The following ST18 variants were observed in gnomAD, a reference collection of about 807,000 sequenced individuals.
ST18 encodes the protein ST18 C2H2C-type zinc finger transcription factor.
ST18 carries 50 observed loss-of-function variants against 110.0 expected under a neutral mutation model. The observed-to-expected ratio is 0.45, with a 90% CI of 0.36 to 0.58. The LOEUF (loss-of-function observed/expected upper bound fraction) is 0.58. Among genes scored for constraint, ST18 ranks in the 20% least tolerant of loss-of-function variants. The pLI, the probability that ST18 is intolerant of heterozygous loss-of-function variation, is 0.00. For synonymous variants in ST18, 461 were observed against 452.4 expected (o/e 1.02, Z -0.24); for missense variants, 1,306 against 1,280.1 (o/e 1.02, Z -0.31).
At chr8:52,337,269 A>G (rs969949736) in intron 2 of ST18, among the ~76,000 whole-genome samples, 11 of 152,210 alleles carry the variant, frequency 7.2e-5, no homozygotes, top group Admixed American at 3.3e-4. Context: ...CAATAACAAG[A>G]GCTGCCACTG....
intron 2 of ST18, among the ~76,000 whole-genome samples, chr8:52,344,391 C>T (rs375866555): frequency 4.0e-5 from 5 of 125,334 alleles, no homozygotes; most frequent in Admixed American, 2.8e-4. Flanking sequence ...ATTAAAGCCC[C>T]CTACAATAAT....
In ST18 at chr8:52,149,908, T is replaced by C. The variant is rs1364844655; in HGVS notation, c.1876A>G (p.Lys626Glu). 4 of 1,614,012 alleles carry C rather than the reference T, an allele frequency of 2.5e-6. No individual in the cohort carries two copies. The highest frequency in any genetic ancestry group is 4.5e-5 in the East Asian group (2 of 44,896). Reference sequence around the variant, plus strand: ...TTAGAGGAAGTTAGGGGTGCAGACTTGTCCAGGATTCGATTTTTTTTCATG... The same window carrying C: ...TTAGAGGAAGTTAGGGGTGCAGACTCGTCCAGGATTCGATTTTTTTTCATG... ...LSMKKNRILD[K>E]SAPLTSSNTS... Residue 626 changes from lysine (K) to glutamate (E), a missense_variant, in exon 16 of 26, where the codon AAG (lysine) becomes GAG (glutamate). Lys to Glu is a moderately conservative substitution (Grantham distance 56). Transcript: ENST00000689386.
At chr8:52,286,185 C>A (rs936696172) in intron 2 of ST18, among the ~76,000 whole-genome samples, 12 of 152,140 alleles carry the variant, frequency 7.9e-5, no homozygotes, top group Non-Finnish European at 8.8e-5. Context: ...GTGAATATTC[C>A]TTCACATGAA....
At chr8:52,250,967 G>A (rs1327063249) in intron 2 of ST18, among the ~76,000 whole-genome samples, 2 of 152,084 alleles carry the variant, frequency 1.3e-5, no homozygotes, top group African/African-American at 4.8e-5. Flanking sequence ...TTATTTTTAT[G>A]TAAAGATACT....
In ST18 at chr8:52,298,388, G is replaced by C. The variant is rs150572481; in HGVS notation, c.-464-68311C>G. On this transcript the variant is annotated intron_variant, in intron 2 of 25. Coordinates refer to ENST00000689386, the MANE Select transcript of ST18 (RefSeq NM_001352837.2). ...TTTCTGAAGAATATTTGATGACATG[G>C]AAAAAGCCTCATTTTATGGTCATGA... 6.0e-3 allele frequency among the ~76,000 whole-genome samples: 921 copies of C among 152,248 alleles called. 5 individuals are homozygous for C. Among genetic ancestry groups the C allele is most frequent in the African/African-American group, 0.021 (872 of 41,554 alleles).
rs749850577 is a variant in ST18 at position 52,214,189 on chromosome 8, G to C, written c.55+14C>G. 2 of 1,613,920 alleles carry C rather than the reference G, an allele frequency of 1.2e-6. No individual in the cohort carries two copies. Among genetic ancestry groups the C allele is most frequent in the Non-Finnish European group, 1.7e-6 (2 of 1,179,852 alleles). On this transcript the variant is annotated intron_variant, in intron 7 of 25. Coordinates refer to ENST00000689386, the MANE Select transcript of ST18 (RefSeq NM_001352837.2). ...TGGTGGGCATAGTGTCATAGAACCT[G>C]CTTGCTAACTCACCCTCGGTTCCTT... is the stretch of plus-strand genomic sequence containing the variant.
chr8:52,343,571 T>C (rs566570240), intron 2 of ST18, among the ~76,000 whole-genome samples: 37 of 152,266 alleles, frequency 2.4e-4, no homozygotes, highest in Middle Eastern at 6.8e-3. Context: ...TCACACGCAG[T>C]GGAGCCATCG....
intron 9 of ST18, 25 bp downstream of exon 9, chr8:52,180,097 A>C: frequency 6.2e-7 from 1 of 1,610,412 alleles, no homozygotes. Flanking sequence ...GGAGCAGGTA[A>C]AGTTTGGGCT....
intron 2 of ST18, among the ~76,000 whole-genome samples, chr8:52,381,107 G>C (rs534589674): frequency 3.3e-5 from 5 of 152,122 alleles, no homozygotes; most frequent in African/African-American, 1.2e-4. Context: ...TTTTCTTCTT[G>C]CTGAAGCCTA....
intron 2 of ST18, among the ~76,000 whole-genome samples, chr8:52,250,536 C>T (rs1405789981): frequency 6.8e-6 from 1 of 147,474 alleles, no homozygotes; most frequent in African/African-American, 2.5e-5. Flanking sequence ...ATGCATAAAC[C>T]CTGATTCTTA....
chr8:52,179,762 T>C (rs1196331817), intron 9 of ST18, among the ~76,000 whole-genome samples: 1 of 152,174 alleles, frequency 6.6e-6, no homozygotes, highest in Non-Finnish European at 1.5e-5. Flanking sequence ...AGTTTAAATA[T>C]GCCCTTGAAT....
At chr8:52,395,726 C>G (rs1349760747) in intron 2 of ST18, among the ~76,000 whole-genome samples, 2 of 152,178 alleles carry the variant, frequency 1.3e-5, no homozygotes, top group Admixed American at 1.3e-4. Context: ...ACTGGCCAAA[C>G]CTGTTCTTGG....
At chr8:52,177,857 A>G (rs1007903862) in intron 9 of ST18, among the ~76,000 whole-genome samples, 4 of 152,140 alleles carry the variant, frequency 2.6e-5, no homozygotes, top group African/African-American at 9.7e-5. Context: ...GCCCATAATC[A>G]CACACACTCG....
At chr8:52,257,585 TG>T (rs1018395192) in intron 2 of ST18, among the ~76,000 whole-genome samples, 6 of 152,214 alleles carry the variant, frequency 3.9e-5, no homozygotes, top group African/African-American at 1.4e-4. Context: ...ATATCTTTTT[TG>T]GAGAACTGTT....
At chr8:52,291,966 G>A (rs1432217004) in intron 2 of ST18, among the ~76,000 whole-genome samples, 2 of 151,934 alleles carry the variant, frequency 1.3e-5, no homozygotes, top group Non-Finnish European at 2.9e-5. Context: ...GTACAGACGG[G>A]GTTTCACCAT....
chr8:52,142,646 C>T lies in ST18; in HGVS notation c.2168+284G>A, dbSNP rs569574605. On this transcript the variant is annotated intron_variant, in intron 17 of 25. Transcript: ENST00000689386. The stretch of plus-strand genomic sequence containing the variant: ...CAAGTGTTAGAAGGTTAGTAGAGTC[C>T]CAGAAGACAACCCTTAGATCTGGAG... 1.4e-4 allele frequency among the ~76,000 whole-genome samples: 21 copies of T among 152,228 alleles called. No homozygotes were observed. The South Asian group carries it at 2.3e-3, about 17-fold the overall frequency.
intron 9 of ST18, among the ~76,000 whole-genome samples, chr8:52,174,961 C>T (rs2066328727): frequency 6.6e-6 from 1 of 152,068 alleles, no homozygotes; most frequent in Admixed American, 6.5e-5. Flanking sequence ...TTTTCTCAGG[C>T]TGTGTGTGTT....
intron 18 of ST18, among the ~76,000 whole-genome samples, chr8:52,137,048 T>G (rs1248995965): frequency 6.6e-6 from 1 of 152,196 alleles, no homozygotes; most frequent in African/African-American, 2.4e-5. Context: ...CTTTGCACTG[T>G]TTAATCTCTC....
At chr8:52,162,327 T>C (rs1409788650) in intron 13 of ST18, among the ~76,000 whole-genome samples, 1 of 152,216 alleles carries the variant, frequency 6.6e-6, no homozygotes, top group African/African-American at 2.4e-5. Flanking sequence ...GTCACAATTG[T>C]GACCAGTGAG....
Sources: gnomAD v4.1 joint callset for allele counts (sites outside exome capture counted in the v4.1 genomes callset) on GRCh38, gnomAD v4.1.1 for gene constraint, MANE v1.5 for transcripts, NCBI Gene and HGNC (gene_info 2026-07-23, HGNC 2026-07-21) for gene names.